Variants in MITF observed in about 807,000 individuals in gnomAD.
MITF encodes the protein melanocyte inducing transcription factor.
A neutral mutation model predicts 60.5 loss-of-function variants in MITF; 17 were observed. That is an observed-to-expected ratio of 0.28 (90% CI 0.19 to 0.42). MITF has a LOEUF of 0.42. Among genes scored for constraint, MITF ranks in the 10% least tolerant of loss-of-function variants. MITF has a pLI of 1.00. For synonymous variants in MITF, 260 were observed against 248.5 expected (o/e 1.05, Z -0.43); for missense variants, 622 against 683.5 (o/e 0.91, Z 1.00).
chr3:69,782,560 G>A (rs2062583261), intron 1 of MITF, among the ~76,000 whole-genome samples: 1 of 152,092 alleles, frequency 6.6e-6, no homozygotes, highest in African/African-American at 2.4e-5. Flanking sequence ...GCTGTGACTC[G>A]AACCCAGTCC....
At chr3:69,897,881 C>T (rs893288540) in intron 2 of MITF, among the ~76,000 whole-genome samples, 1 of 152,212 alleles carries the variant, frequency 6.6e-6, no homozygotes, top group Non-Finnish European at 1.5e-5. Flanking sequence ...TGAGTCACAG[C>T]TTGTGCTAGT....
At chr3:69,951,674 A>T in intron 6 of MITF, 138 bp from the exon 7 acceptor site, 1 of 679,350 alleles carries the variant, frequency 1.5e-6, no homozygotes, top group Non-Finnish European at 2.7e-6. Flanking sequence ...AAAAGATATC[A>T]TTTTTAAAAA....
intron 2 of MITF, chr3:69,936,675 G>T: frequency 6.2e-7 from 1 of 1,611,722 alleles, no homozygotes; most frequent in East Asian, 2.2e-5. Flanking sequence ...GTAGAGGGAG[G>T]GATAGTCTAC....
At chr3:69,840,641 G>T (rs563641600) in intron 1 of MITF, among the ~76,000 whole-genome samples, 3 of 152,088 alleles carry the variant, frequency 2.0e-5, no homozygotes, top group Non-Finnish European at 4.4e-5. Context: ...CAGATTATTA[G>T]ATATGTGAAT....
intron 1 of MITF, among the ~76,000 whole-genome samples, chr3:69,770,030 C>T (rs974591701): frequency 1.6e-4 from 24 of 151,940 alleles, no homozygotes; most frequent in Admixed American, 1.2e-3. Flanking sequence ...ACTCCTTTGC[C>T]CTCTCATTCA....
At chr3:69,912,873 G>A (rs532365047) in intron 2 of MITF, among the ~76,000 whole-genome samples, 11 of 152,164 alleles carry the variant, frequency 7.2e-5, no homozygotes, top group Non-Finnish European at 1.0e-4. Context: ...TAAAGGTCCA[G>A]TATGTTCATA....
chr3:69,861,262 A>G (rs1405364952), intron 1 of MITF, among the ~76,000 whole-genome samples: 1 of 152,188 alleles, frequency 6.6e-6, no homozygotes, highest in African/African-American at 2.4e-5. Context: ...TCATTCATGC[A>G]TTCTTCTTTC....
intron 2 of MITF, among the ~76,000 whole-genome samples, chr3:69,927,057 A>G (rs2065607675): frequency 6.6e-6 from 1 of 152,046 alleles, no homozygotes; most frequent in Admixed American, 6.5e-5. Flanking sequence ...TAAAATAACA[A>G]TCACTGAGAA....
chr3:69,864,175 A>G (rs2064068929), intron 1 of MITF, among the ~76,000 whole-genome samples: 1 of 152,194 alleles, frequency 6.6e-6, no homozygotes, highest in Non-Finnish European at 1.5e-5. Flanking sequence ...AGGTGAAAGA[A>G]CTGGGGCCCA....
chr3:69,939,035 C>T, intron 3 of MITF, 63 bp from the exon 4 acceptor site: 1 of 1,586,856 alleles, frequency 6.3e-7, no homozygotes, highest in Non-Finnish European at 8.6e-7. Flanking sequence ...TTTGTGTGAA[C>T]AGGTCATTAA....
intron 2 of MITF, 139 bp downstream of exon 2, chr3:69,879,522 T>A: frequency 7.0e-7 from 1 of 1,420,558 alleles, no homozygotes; most frequent in Middle Eastern, 2.4e-4. Context: ...CCCTTAATTC[T>A]TACGTGGCTT....
rs1464571270 is a variant in MITF, at chr3:69,843,819, A to C, written c.105-35315A>C. ...ACAGGTTTGTTACATAGGTATACAC[A>C]TGCCATGGTGGTTTGCTGCACCCAT... On this transcript the variant is annotated intron_variant, in intron 1 of 9. Coordinates refer to ENST00000352241, the MANE Select transcript of MITF (RefSeq NM_001354604.2). Among the ~76,000 whole-genome samples the C allele has an allele frequency of 5.3e-5, 8 of 152,198 alleles. No homozygotes were observed. In the East Asian group the frequency reaches 1.5e-3, roughly 29 times the overall value.
At chr3:69,744,849 A>T (rs958224800) in intron 1 of MITF, among the ~76,000 whole-genome samples, 11 of 152,178 alleles carry the variant, frequency 7.2e-5, no homozygotes, top group African/African-American at 2.7e-4. Flanking sequence ...TATGCTAGTT[A>T]AAAAAACTAA....
chr3:69,916,695 C>T (rs1411277606), intron 2 of MITF, among the ~76,000 whole-genome samples: 2 of 152,060 alleles, frequency 1.3e-5, no homozygotes, highest in Non-Finnish European at 2.9e-5. Flanking sequence ...TGATGCACAT[C>T]ATAATAAACT....
At position 69,956,452 on chromosome 3, in the gene MITF, A is replaced by T. The variant is rs775489256; in HGVS notation, c.956-3A>T. The T allele has an allele frequency of 2.4e-5, 38 of 1,611,954 alleles. No homozygotes were observed. The highest frequency in any genetic ancestry group is 3.1e-5 in the Non-Finnish European group (37 of 1,178,256). On this transcript the variant is annotated splice_polypyrimidine_tract_variant and splice_region_variant and intron_variant, in intron 7 of 9. Coordinates refer to ENST00000352241, the MANE Select transcript of MITF (RefSeq NM_001354604.2). ...TAGCCTTTCCTGTGCTCTTTTCTTGAAGTTGAACGAAGAAGAAGATTTAAC... is the reference window on the plus strand; with the variant it reads ...TAGCCTTTCCTGTGCTCTTTTCTTGTAGTTGAACGAAGAAGAAGATTTAAC...
chr3:69,839,886 C>T (rs1323435660), intron 1 of MITF, among the ~76,000 whole-genome samples: 1 of 152,050 alleles, frequency 6.6e-6, no homozygotes, highest in Non-Finnish European at 1.5e-5. Context: ...CCCCATCCCC[C>T]TCCCCCCACA....
intron 1 of MITF, among the ~76,000 whole-genome samples, chr3:69,804,634 G>A (rs1455676489): frequency 6.6e-6 from 1 of 152,158 alleles, no homozygotes; most frequent in African/African-American, 2.4e-5. Context: ...TCAAGATGTG[G>A]TTTGCTTTTG....
At chr3:69,936,850 C>A in intron 2 of MITF, 3 of 1,135,584 alleles carry the variant, frequency 2.6e-6, no homozygotes, top group Non-Finnish European at 3.9e-6. Context: ...ATACTGTTTT[C>A]AATAAGTATA....
At chr3:69,763,728 G>A (rs1238172794) in intron 1 of MITF, 3 of 1,335,610 alleles carry the variant, frequency 2.2e-6, no homozygotes, top group Middle Eastern at 2.0e-4. Context: ...AGCTTGTTTG[G>A]TCAGTCGAGT....
Sources: allele counts gnomAD v4.1 joint callset (sites outside exome capture counted in the v4.1 genomes callset), GRCh38; gene constraint gnomAD v4.1.1; transcripts MANE v1.5; gene names NCBI Gene and HGNC (gene_info 2026-07-23, HGNC 2026-07-21).